AGK: variants seen among roughly 807,000 people sequenced by gnomAD.
The protein encoded by AGK is acylglycerol kinase, mitochondrial.
A neutral mutation model predicts 66.4 loss-of-function variants in AGK; 52 were observed. That is an observed-to-expected ratio of 0.78 (90% CI 0.63 to 0.99). AGK has a LOEUF of 0.99. Ranked by LOEUF, AGK falls within the 50% of genes least tolerant of loss-of-function variation. AGK has a pLI of 0.00. For missense variants in AGK, 451 were observed against 506.6 expected (o/e 0.89, Z 1.05); for synonymous variants, 182 against 181.1 (o/e 1.00, Z -0.04).
chr7:141,554,785 T>C (rs1795172260), intron 1 of AGK, among the ~76,000 whole-genome samples: 1 of 152,164 alleles, frequency 6.6e-6, no homozygotes, highest in African/African-American at 2.4e-5. Flanking sequence ...TTTAAAGGAG[T>C]GTATGAGTGT....
intron 2 of AGK, among the ~76,000 whole-genome samples, chr7:141,590,826 A>C (rs1046506708): frequency 1.3e-5 from 2 of 152,130 alleles, no homozygotes; most frequent in Admixed American, 1.3e-4. Flanking sequence ...TGAAACATGA[A>C]TATGTGTTAT....
rs117028056 is a variant in AGK, at chr7:141,558,180, C to T, written c.101+2613C>T. 3.7e-4 allele frequency among the ~76,000 whole-genome samples: 55 copies of T among 150,652 alleles called. No individual in the cohort carries two copies. The East Asian group carries it at 5.3e-3, about 14-fold the overall frequency. On this transcript the variant is annotated intron_variant, in intron 2 of 15. Transcript: ENST00000649286. Reference sequence around the variant, plus strand: ...TTTACCTTTTCTTTTTTTTTTGAGACGGAGTCCTGCTCTGTCACCTAGGCT... The same window carrying T: ...TTTACCTTTTCTTTTTTTTTTGAGATGGAGTCCTGCTCTGTCACCTAGGCT...
chr7:141,610,247 G>C (rs540696386), intron 5 of AGK, among the ~76,000 whole-genome samples: 1 of 152,086 alleles, frequency 6.6e-6, no homozygotes, highest in African/African-American at 2.4e-5. Flanking sequence ...GATTACAGGC[G>C]TGAGCCACCG....
intron 1 of AGK, among the ~76,000 whole-genome samples, chr7:141,554,376 A>G (rs951657754): frequency 6.7e-6 from 1 of 150,164 alleles, no homozygotes; most frequent in Non-Finnish European, 1.5e-5. Flanking sequence ...GTTTAATTGT[A>G]TTGGTTTTCT....
intron 11 of AGK, 32 bp from the exon 12 acceptor site, chr7:141,641,216 A>G (rs775261665): frequency 6.3e-7 from 1 of 1,594,238 alleles, no homozygotes; most frequent in Non-Finnish European, 8.5e-7. Flanking sequence ...TTGTACATGC[A>G]TAACAAAATT....
chr7:141,604,354 G>A (rs1229036080), intron 5 of AGK, among the ~76,000 whole-genome samples: 2 of 133,822 alleles, frequency 1.5e-5, no homozygotes, highest in Non-Finnish European at 3.2e-5. Context: ...GTGTGCATAT[G>A]TATGAATGTG....
chr7:141,627,971 T>A (rs1467988927), intron 9 of AGK, among the ~76,000 whole-genome samples: 2 of 152,190 alleles, frequency 1.3e-5, no homozygotes, highest in Non-Finnish European at 2.9e-5. Context: ...AACCTCCACC[T>A]CCCAGGTTCA....
At chr7:141,618,519 A>G (rs2116969182) in intron 8 of AGK, among the ~76,000 whole-genome samples, 1 of 152,294 alleles carries the variant, frequency 6.6e-6, no homozygotes, top group East Asian at 1.9e-4. Flanking sequence ...ATTTGGGGGG[A>G]CAAACAGTAA....
intron 13 of AGK, among the ~76,000 whole-genome samples, chr7:141,646,081 CAG>C (rs1465022427): frequency 6.6e-6 from 1 of 152,132 alleles, no homozygotes; most frequent in African/African-American, 2.4e-5. Context: ...GGAGCCCACA[CAG>C]AGCCCATGCC....
chr7:141,596,479 A>T lies in AGK; in HGVS notation c.142-83A>T. ...TAGATACCTTATGTGCTGCAAGTAC[A>T]TTTTTTTTGGAATGAAAGAATACAT... is the stretch of plus-strand genomic sequence containing the variant. On this transcript the variant is annotated intron_variant, in intron 3 of 15. Coordinates refer to ENST00000649286, the MANE Select transcript of AGK (RefSeq NM_018238.4). 3.1e-6 allele frequency: 4 copies of T among 1,282,538 alleles called. No homozygotes were observed. In the South Asian group the frequency reaches 4.8e-5, roughly 16 times the overall value. The allele number at this position is 1,282,538 out of a possible 1,614,324, so 79.4% of individuals were successfully genotyped here. A position where few individuals can be genotyped will look rare whatever the true frequency, so the allele number is the denominator to read the frequency against.
rs1797462972 is a variant in AGK at position 141,648,143 on chromosome 7, T to A, written c.976-1120T>A. Among the ~76,000 whole-genome samples, 4 of 152,304 alleles carry A rather than the reference T, an allele frequency of 2.6e-5. No homozygotes were observed. In the South Asian group the frequency reaches 8.3e-4, roughly 32 times the overall value. ...CTTCTCCACGGGACCCCCTTTTTCA[T>A]AACACAGCCACTGCCATCAGCGCCA... On this transcript the variant is annotated intron_variant, in intron 13 of 15. Coordinates refer to ENST00000649286, the MANE Select transcript of AGK (RefSeq NM_018238.4).
At chr7:141,593,910 G>C (rs1399516959) in intron 3 of AGK, 1 of 153,656 alleles carries the variant, frequency 6.5e-6, no homozygotes, top group Non-Finnish European at 1.4e-5. Context: ...ATAGGTGGCA[G>C]ACCTCATGTT....
At chr7:141,636,876 A>T in intron 10 of AGK, 84 bp from the exon 11 acceptor site, 1 of 1,129,100 alleles carries the variant, frequency 8.9e-7, no homozygotes, top group Non-Finnish European at 1.3e-6. Context: ...TGTAATTCTA[A>T]TGTATTGTCT....
At chr7:141,627,294 T>C (rs767589169) in intron 9 of AGK, among the ~76,000 whole-genome samples, 1 of 152,208 alleles carries the variant, frequency 6.6e-6, no homozygotes, top group Non-Finnish European at 1.5e-5. Context: ...TTATTTTTTT[T>C]TCTGGAAAGG....
intron 2 of AGK, among the ~76,000 whole-genome samples, chr7:141,559,939 C>G (rs937324734): frequency 1.3e-5 from 2 of 151,542 alleles, no homozygotes; most frequent in African/African-American, 4.8e-5. Context: ...GTGTATCCTA[C>G]AACTTTGCTG....
intron 9 of AGK, among the ~76,000 whole-genome samples, chr7:141,627,446 A>T (rs978583529): frequency 1.3e-5 from 2 of 152,144 alleles, no homozygotes; most frequent in African/African-American, 4.8e-5. Flanking sequence ...GATATTTGTG[A>T]AAGAAGGATC....
chr7:141,556,139 G>A (rs1795205964), intron 2 of AGK, among the ~76,000 whole-genome samples: 1 of 152,164 alleles, frequency 6.6e-6, no homozygotes, highest in African/African-American at 2.4e-5. Context: ...GAGCTTCCAG[G>A]TCATAGGTAG....
At chr7:141,578,339 A>C (rs1398524200) in intron 2 of AGK, among the ~76,000 whole-genome samples, 4 of 151,838 alleles carry the variant, frequency 2.6e-5, no homozygotes, top group Non-Finnish European at 5.9e-5. Context: ...GAATTTCACA[A>C]GGTAATGTCA....
Position 141,652,962 on chromosome 7 carries a change from C to T in AGK, c.*38C>T. On this transcript the variant is annotated 3_prime_UTR_variant, in exon 16 of 16. Transcript: ENST00000649286. ...AAGCACTCTGAGACCACACTTTAGG[C>T]CACCGGTGGGACCAAAAGGGAACAG... 1.9e-6 allele frequency: 3 copies of T among 1,610,892 alleles called. No homozygotes were observed. Among genetic ancestry groups the T allele is most frequent in the South Asian group, 2.2e-5 (2 of 90,914 alleles).
Sources: allele counts gnomAD v4.1 joint callset (sites outside exome capture counted in the v4.1 genomes callset), GRCh38; gene constraint gnomAD v4.1.1; transcripts MANE v1.5; gene names NCBI Gene and HGNC (gene_info 2026-07-23, HGNC 2026-07-21).